NEK1: variants seen among roughly 807,000 people sequenced by gnomAD.
The protein encoded by NEK1 is NIMA related kinase 1.
NEK1 carries 137 observed loss-of-function variants against 182.1 expected under a neutral mutation model. The ratio of observed to expected loss-of-function variants is 0.75; its 90% confidence interval spans 0.65 to 0.87. NEK1 has a LOEUF of 0.87. Ranked by LOEUF, NEK1 falls within the 40% of genes least tolerant of loss-of-function variation. The pLI is 0.00. For synonymous variants in NEK1, 513 were observed against 492.2 expected, an observed-to-expected ratio of 1.04 and a Z score of -0.56; for missense variants, 1,391 against 1,494.4, an observed-to-expected ratio of 0.93 and a Z score of 1.14.
intron 27 of NEK1, among the ~76,000 whole-genome samples, chr4:169,447,492 A>G (rs914817761): frequency 2.0e-5 from 3 of 152,218 alleles, no homozygotes; most frequent in Non-Finnish European, 4.4e-5. Flanking sequence ...CAGTAATAGT[A>G]AGTATACAGA....
chr4:169,472,554 A>G (rs530585375), intron 26 of NEK1, among the ~76,000 whole-genome samples: 2 of 152,330 alleles, frequency 1.3e-5, no homozygotes, highest in South Asian at 4.1e-4. Context: ...CTCACTGGGA[A>G]CTGCAGACCA....
chr4:169,403,884 T>A (rs1732119064), intron 32 of NEK1, among the ~76,000 whole-genome samples: 1 of 152,038 alleles, frequency 6.6e-6, no homozygotes, highest in African/African-American at 2.4e-5. Flanking sequence ...AAAAAAATAA[T>A]AATAATTTTC....
intron 32 of NEK1, among the ~76,000 whole-genome samples, chr4:169,403,832 T>C (rs1732104287): frequency 6.6e-6 from 1 of 152,118 alleles, no homozygotes; most frequent in Non-Finnish European, 1.5e-5. Flanking sequence ...AATTCAGTTT[T>C]TAGTTGGCTA....
At chr4:169,481,891 TTTAG>T (rs1420080172) in intron 23 of NEK1, among the ~76,000 whole-genome samples, 2 of 152,254 alleles carry the variant, frequency 1.3e-5, no homozygotes, top group Non-Finnish European at 2.9e-5. Context: ...TTGACTTCTC[TTTAG>T]TTATGAGAGT....
chr4:169,561,352 A>C, intron 16 of NEK1, 128 bp downstream of exon 16: 1 of 765,314 alleles, frequency 1.3e-6, no homozygotes, highest in Non-Finnish European at 2.2e-6. Flanking sequence ...TAAATGTTAA[A>C]GAATTCTAGG....
At chr4:169,507,191 T>G (rs571141557) in intron 22 of NEK1, 59 bp from the exon 23 acceptor site, 2 of 986,168 alleles carry the variant, frequency 2.0e-6, no homozygotes, top group Admixed American at 3.0e-5. Flanking sequence ...AGGTTTTTTT[T>G]TTTTTTTTTG....
chr4:169,581,021 G>A, intron 10 of NEK1, 119 bp from the exon 11 acceptor site: 1 of 196,900 alleles, frequency 5.1e-6, no homozygotes, highest in Non-Finnish European at 9.8e-6. Flanking sequence ...CAAATAAACT[G>A]TACTAAAACC....
intron 26 of NEK1, among the ~76,000 whole-genome samples, chr4:169,476,420 A>G (rs1189382002): frequency 6.6e-6 from 1 of 152,116 alleles, no homozygotes; most frequent in Non-Finnish European, 1.5e-5. Flanking sequence ...AAACATTATT[A>G]TATTCCCATT....
intron 27 of NEK1, among the ~76,000 whole-genome samples, chr4:169,449,741 A>C (rs948200944): frequency 6.6e-6 from 1 of 152,244 alleles, no homozygotes; most frequent in Non-Finnish European, 1.5e-5. Flanking sequence ...AGAAAAGCTG[A>C]ATATTCTAAA....
intron 12 of NEK1, among the ~76,000 whole-genome samples, chr4:169,570,822 G>C (rs1033548165): frequency 2.6e-5 from 4 of 152,202 alleles, no homozygotes; most frequent in South Asian, 4.1e-4. Flanking sequence ...TTTTCATTTT[G>C]TTCTGTACTA....
rs1731754487 is a variant in NEK1 at position 169,401,880 on chromosome 4, A to G, written c.3375-20T>C. ...AACACACTGAAATTTAAAAAGTATA[A>G]CTAAAAGTTTCAAACATACTGAAAT... is the stretch of plus-strand genomic sequence containing the variant. On this transcript the variant is annotated intron_variant, in intron 32 of 35. Coordinates refer to ENST00000507142, the MANE Select transcript of NEK1 (RefSeq NM_001199397.3). 2.5e-6 allele frequency: 4 copies of G among 1,580,424 alleles called. No individual in the cohort carries two copies. Among genetic ancestry groups the G allele is most frequent in the Non-Finnish European group, 3.4e-6 (4 of 1,161,370 alleles).
intron 26 of NEK1, among the ~76,000 whole-genome samples, chr4:169,463,692 CT>C (rs748780272): frequency 1.2e-4 from 18 of 152,086 alleles, no homozygotes; most frequent in Non-Finnish European, 2.6e-4. Context: ...ATCTGAAATG[CT>C]TGGGGCCAGA....
At chr4:169,544,791 T>C (rs1268367989) in intron 18 of NEK1, among the ~76,000 whole-genome samples, 1 of 151,962 alleles carries the variant, frequency 6.6e-6, no homozygotes, top group Non-Finnish European at 1.5e-5. Context: ...TAGTATTCTC[T>C]GATGGTAGTT....
At chr4:169,460,529 G>C (rs1743774111) in intron 27 of NEK1, among the ~76,000 whole-genome samples, 1 of 152,000 alleles carries the variant, frequency 6.6e-6, no homozygotes, top group South Asian at 2.1e-4. Flanking sequence ...TGGGGACACA[G>C]AGCCAAACCA....
At chr4:169,553,712 C>G (rs1761749728) in intron 18 of NEK1, among the ~76,000 whole-genome samples, 1 of 152,056 alleles carries the variant, frequency 6.6e-6, no homozygotes, top group Non-Finnish European at 1.5e-5. Flanking sequence ...GACAACTCAT[C>G]AAGAAAGATA....
In NEK1 at chr4:169,563,311, T is replaced by C. The variant is rs549695939; in HGVS notation, c.1021-1115A>G. The stretch of plus-strand genomic sequence containing the variant: ...AGGAGGTAGAGGCTACCATGAGCCA[T>C]GATCACATCACTATACTCCAGCCTG... On this transcript the variant is annotated intron_variant, in intron 12 of 35. Transcript: ENST00000507142. 2.0e-5 allele frequency among the ~76,000 whole-genome samples: 3 copies of C among 151,860 alleles called. No homozygotes were observed. In the East Asian group the frequency reaches 5.8e-4, roughly 29 times the overall value.
intron 12 of NEK1, among the ~76,000 whole-genome samples, chr4:169,569,540 G>C (rs527529190): frequency 5.1e-4 from 73 of 143,444 alleles, no homozygotes; most frequent in Non-Finnish European, 7.2e-4. Context: ...CTCTGATGCC[G>C]AGCCGAAGCT....
In NEK1 at chr4:169,401,878, T is replaced by C; in HGVS notation, c.3375-18A>G. 7 of 1,581,700 alleles carry C rather than the reference T, an allele frequency of 4.4e-6. No individual in the cohort carries two copies. The highest frequency in any genetic ancestry group is 1.4e-5 in the African/African-American group (1 of 74,044). The stretch of plus-strand genomic sequence containing the variant: ...CAAACACACTGAAATTTAAAAAGTA[T>C]AACTAAAAGTTTCAAACATACTGAA... On this transcript the variant is annotated intron_variant, in intron 32 of 35. Transcript: ENST00000507142.
At chr4:169,438,570 C>T (rs940046579) in intron 27 of NEK1, among the ~76,000 whole-genome samples, 4 of 152,094 alleles carry the variant, frequency 2.6e-5, no homozygotes, top group Non-Finnish European at 4.4e-5. Context: ...TGAAGTAACT[C>T]CTAGTTACTT....
Sources: allele counts gnomAD v4.1 joint callset (sites outside exome capture counted in the v4.1 genomes callset), GRCh38; gene constraint gnomAD v4.1.1; transcripts MANE v1.5; gene names NCBI Gene and HGNC (gene_info 2026-07-23, HGNC 2026-07-21).